CLPB: variants seen among roughly 807,000 people sequenced by gnomAD.
The protein encoded by CLPB is ClpB family mitochondrial disaggregase.
Under a neutral mutation model 78.4 loss-of-function variants are expected in CLPB, and 40 were observed. That is an observed-to-expected ratio of 0.51 (90% CI 0.40 to 0.66). The LOEUF (loss-of-function observed/expected upper bound fraction) is 0.66. Ranked by LOEUF, CLPB falls within the 30% of genes least tolerant of loss-of-function variation. The pLI is 0.00. For missense variants in CLPB, 780 were observed against 886.9 expected, an observed-to-expected ratio of 0.88 and a Z score of 1.53; for synonymous variants, 333 against 348.0, an observed-to-expected ratio of 0.96 and a Z score of 0.48.
At chr11:72,381,864 C>T (rs978363352) in intron 3 of CLPB, among the ~76,000 whole-genome samples, 5 of 152,022 alleles carry the variant, frequency 3.3e-5, no homozygotes, top group Admixed American at 6.5e-5. Context: ...CCAGTCCCTG[C>T]GGCCCCACAC....
intron 15 of CLPB, 136 bp from the exon 16 acceptor site, chr11:72,293,751 G>A (rs1019892837): frequency 4.2e-5 from 45 of 1,077,222 alleles, no homozygotes; most frequent in Non-Finnish European, 5.6e-5. Flanking sequence ...GCCAATTGGG[G>A]CTAATAACAG....
intron 12 of CLPB, among the ~76,000 whole-genome samples, chr11:72,295,265 CCT>C (rs762087856): frequency 6.6e-6 from 1 of 152,182 alleles, no homozygotes; most frequent in Non-Finnish European, 1.5e-5. Context: ...TGCCTGGAGC[CCT>C]CTTATCACCC....
rs1251875765 is a variant in CLPB at position 72,292,432 on chromosome 11, C to A, written c.*935G>T. On this transcript the variant is annotated 3_prime_UTR_variant, in exon 16 of 16. Transcript: ENST00000538039. ...GGTGTCCAGACCCTCTGCTTTGTGA[C>A]TAACATGCAGACTGAATAAACTGCA... is the stretch of plus-strand genomic sequence containing the variant. 1 of 152,238 alleles carries A rather than the reference C, an allele frequency of 6.6e-6. No individual in the cohort carries two copies. The highest frequency in any genetic ancestry group is 1.9e-4 in the East Asian group (1 of 5,200). The allele number at this position is 152,238 out of a possible 1,614,324, so 9.4% of individuals were successfully genotyped here. A position where few individuals can be genotyped will look rare whatever the true frequency, so the allele number is the denominator to read the frequency against.
In CLPB at chr11:72,402,970, T is replaced by C. The variant is rs768489564; in HGVS notation, c.538A>G (p.Asn180Asp). 1.1e-5 allele frequency: 18 copies of C among 1,613,822 alleles called. No homozygotes were observed. Among genetic ancestry groups the C allele is most frequent in the Admixed American group, 1.7e-5 (1 of 60,012 alleles). The change falls in exon 3 of 16, where the codon AAC becomes GAC. Residue 180 changes from asparagine (N) to aspartate (D), a missense_variant. Coordinates refer to ENST00000538039, the MANE Select transcript of CLPB (RefSeq NM_001258392.3). ...GTGTGGAAGGTGGTCTCTCACCTGT[T>C]GTTTCGGTTGATGGCTGCCACCATG... The part of the protein sequence containing the change: ...ALMVAAINRN[N>D]SVVQVLLAAG...
At chr11:72,317,278 A>C (rs1949963585) in intron 6 of CLPB, 58 bp from the exon 7 acceptor site, 3 of 1,286,650 alleles carry the variant, frequency 2.3e-6, no homozygotes, top group Non-Finnish European at 3.3e-6. Context: ...CCATAGCTTC[A>C]CTCTATCCCC....
At chr11:72,347,852 A>C (rs1950544247) in intron 5 of CLPB, among the ~76,000 whole-genome samples, 1 of 152,210 alleles carries the variant, frequency 6.6e-6, no homozygotes, top group East Asian at 1.9e-4. Flanking sequence ...TCTAGAAGTA[A>C]AAGAGGAAGG....
chr11:72,343,148 A>C (rs1345567927), intron 5 of CLPB, among the ~76,000 whole-genome samples: 1 of 152,190 alleles, frequency 6.6e-6, no homozygotes, highest in Non-Finnish European at 1.5e-5. Context: ...TTGGATGAAA[A>C]GTATCAGCAC....
chr11:72,395,720 A>G (rs1342878351), intron 3 of CLPB, among the ~76,000 whole-genome samples: 3 of 152,178 alleles, frequency 2.0e-5, no homozygotes. Context: ...AGGTTAGAAG[A>G]CGGAAAAGGC....
At chr11:72,420,657 T>A in intron 2 of CLPB, among the ~76,000 whole-genome samples, 1 of 152,226 alleles carries the variant, frequency 6.6e-6, no homozygotes, top group Non-Finnish European at 1.5e-5. Flanking sequence ...AGGTGGTAAG[T>A]GCTCTCACTT....
At chr11:72,416,735 C>CAAAAAAAAAAAAAAAAAAAAAAAAAA (rs35655496) in intron 2 of CLPB, among the ~76,000 whole-genome samples, 1 of 50,658 alleles carries the variant, frequency 2.0e-5, no homozygotes, top group African/African-American at 5.7e-5. Flanking sequence ...GACTCCGTCT[C>CAAAAAAAAAAAAAAAAAAAAAAAAAA]AAAAAAAAAA....
At position 72,434,488 on chromosome 11, in the gene CLPB, T is replaced by C. The variant is rs772915157; in HGVS notation, c.-14A>G. 1.3e-6 allele frequency: 2 copies of C among 1,524,686 alleles called. No individual in the cohort carries two copies. The highest frequency in any genetic ancestry group is 2.1e-5 in the Admixed American group (1 of 46,810). The allele number at this position is 1,524,686 out of a possible 1,614,324, so 94.4% of individuals were successfully genotyped here. On this transcript the variant is annotated 5_prime_UTR_variant, in exon 1 of 16. Coordinates refer to ENST00000538039, the MANE Select transcript of CLPB (RefSeq NM_001258392.3). ...GGACCCCAGCATCTTGACAGCTGCT[T>C]CGATAACCCCGTGGTGCCGGCCCCT...
chr11:72,294,999 G>A (rs923944202), intron 12 of CLPB, among the ~76,000 whole-genome samples: 2 of 152,206 alleles, frequency 1.3e-5, no homozygotes. Flanking sequence ...GGGGCTGCAG[G>A]GCTCGATCTT....
intron 6 of CLPB, among the ~76,000 whole-genome samples, chr11:72,321,407 T>C (rs1393019341): frequency 6.6e-6 from 1 of 152,194 alleles, no homozygotes; most frequent in Non-Finnish European, 1.5e-5. Flanking sequence ...GCGACCAGCT[T>C]CCCATGCTGC....
intron 6 of CLPB, among the ~76,000 whole-genome samples, chr11:72,325,798 T>C (rs796339805): frequency 4.6e-5 from 7 of 152,208 alleles, no homozygotes; most frequent in African/African-American, 1.7e-4. Context: ...CAGTGCACAC[T>C]CCCAATCCCC....
chr11:72,292,098 G>A lies in CLPB; in HGVS notation c.*1269C>T, dbSNP rs1424931523. 6.6e-6 allele frequency: 1 copy of A among 150,598 alleles called. No homozygotes were observed. The highest frequency in any genetic ancestry group is 2.5e-5 in the African/African-American group (1 of 40,728). 9.3% of individuals were successfully genotyped at this position (150,598 alleles called of 1,614,324 possible). On this transcript the variant is annotated 3_prime_UTR_variant, in exon 16 of 16. Coordinates refer to ENST00000538039, the MANE Select transcript of CLPB (RefSeq NM_001258392.3). ...AGTGAGGTAGGGAGCAGCAGCCCCTGAGGGGTAGACAGTGATCCAAGCATC... is the reference window on the plus strand; with the variant it reads ...AGTGAGGTAGGGAGCAGCAGCCCCTAAGGGGTAGACAGTGATCCAAGCATC...
intron 2 of CLPB, among the ~76,000 whole-genome samples, chr11:72,409,186 G>C (rs573030290): frequency 1.6e-4 from 25 of 152,134 alleles, no homozygotes; most frequent in Non-Finnish European, 3.7e-4. Flanking sequence ...CTTGTGGAAG[G>C]CCCTTCCCTA....
chr11:72,286,854 A>G lies in CLPB; in HGVS notation c.*6513T>C, dbSNP rs755092132. ...GTGTAGTTATCTGAAATACTGGCAA[A>G]CCAAATTAGAGGTTTACCTTTAACC... On this transcript the variant is annotated 3_prime_UTR_variant, in exon 16 of 16. Transcript: ENST00000538039. 1 of 151,710 alleles carries G rather than the reference A, an allele frequency of 6.6e-6. No homozygotes were observed. The highest frequency in any genetic ancestry group is 1.5e-5 in the Non-Finnish European group (1 of 67,956). The allele number at this position is 151,710 out of a possible 1,614,324, so 9.4% of individuals were successfully genotyped here. A position where few individuals can be genotyped will look rare whatever the true frequency, so the allele number is the denominator to read the frequency against.
intron 5 of CLPB, among the ~76,000 whole-genome samples, chr11:72,343,578 C>T (rs553686915): frequency 2.6e-5 from 4 of 152,170 alleles, no homozygotes; most frequent in African/African-American, 9.6e-5. Context: ...GCAACCATCA[C>T]CAAAAATAAA....
intron 1 of CLPB, among the ~76,000 whole-genome samples, chr11:72,433,067 T>A (rs1856593372): frequency 6.6e-6 from 1 of 152,072 alleles, no homozygotes; most frequent in Non-Finnish European, 1.5e-5. Flanking sequence ...GATCAGCCAG[T>A]CCCCCAGCAG....
Sources: allele counts gnomAD v4.1 joint callset (sites outside exome capture counted in the v4.1 genomes callset), GRCh38; gene constraint gnomAD v4.1.1; transcripts MANE v1.5; gene names NCBI Gene and HGNC (gene_info 2026-07-23, HGNC 2026-07-21).